NEDD4L: variants seen among roughly 807,000 people sequenced by gnomAD.
The protein encoded by NEDD4L is NEDD4 like E3 ubiquitin protein ligase.
A neutral mutation model predicts 148.9 loss-of-function variants in NEDD4L; 54 were observed. The ratio of observed to expected loss-of-function variants is 0.36; its 90% CI spans 0.29 to 0.45. The LOEUF (loss-of-function observed/expected upper bound fraction) is 0.45, where lower values mean the gene tolerates loss of function less well. Ranked by LOEUF, NEDD4L falls within the 20% of genes least tolerant of loss-of-function variation. The probability of loss-of-function intolerance (pLI) is 1.00; values close to 1 mark genes in which losing one functional copy is unlikely to be tolerated. For synonymous variants in NEDD4L, 433 were observed against 440.7 expected (o/e 0.98, Z 0.22); for missense variants, 856 against 1,233.8 (o/e 0.69, Z 4.59).
intron 22 of NEDD4L, among the ~76,000 whole-genome samples, chr18:58,368,507 G>GA (rs1346218681): frequency 1.3e-5 from 2 of 152,204 alleles, no homozygotes; most frequent in Non-Finnish European, 2.9e-5. Context: ...TCATCAGTGA[G>GA]AAAAAAGCAT....
At chr18:58,339,475 A>G (rs903083725) in intron 13 of NEDD4L, among the ~76,000 whole-genome samples, 2 of 152,134 alleles carry the variant, frequency 1.3e-5, no homozygotes, top group African/African-American at 4.8e-5. Flanking sequence ...GAAAGGATTA[A>G]GTCAGTGTTG....
chr18:58,069,152 A>C (rs1043452810), intron 1 of NEDD4L, among the ~76,000 whole-genome samples: 1 of 151,694 alleles, frequency 6.6e-6, no homozygotes, highest in Admixed American at 6.6e-5. Flanking sequence ...AAAAAAAAAA[A>C]AAAAAAATAG....
At chr18:58,202,347 C>A (rs1207140611) in intron 2 of NEDD4L, among the ~76,000 whole-genome samples, 1 of 152,252 alleles carries the variant, frequency 6.6e-6, no homozygotes, top group African/African-American at 2.4e-5. Context: ...ATTGGCCAGG[C>A]TGTCCTCCAG....
At chr18:58,193,727 T>C (rs1396560213) in intron 2 of NEDD4L, 1 of 152,274 alleles carries the variant, frequency 6.6e-6, no homozygotes. Flanking sequence ...TTTCTTCCGA[T>C]ATCTCCTGCT....
intron 1 of NEDD4L, among the ~76,000 whole-genome samples, chr18:58,119,598 C>G (rs1249642446): frequency 6.6e-6 from 1 of 152,210 alleles, no homozygotes; most frequent in East Asian, 1.9e-4. Flanking sequence ...TGAATGTCAC[C>G]AAGCTAAGCG....
rs190898640 is a variant in NEDD4L at position 58,096,307 on chromosome 18, A to G, written c.48+51599A>G. Reference sequence around the variant, plus strand: ...AGGCATTCTGTGGTCATCTTTATCTAAAACGAATCCTCCTGGCCTTAGTGT... The same window carrying G: ...AGGCATTCTGTGGTCATCTTTATCTGAAACGAATCCTCCTGGCCTTAGTGT... On this transcript the variant is annotated intron_variant, in intron 1 of 30. Transcript: ENST00000400345. Among the ~76,000 whole-genome samples the G allele has an allele frequency of 2.0e-4, 31 of 151,934 alleles. No homozygotes were observed. In the East Asian group the frequency reaches 3.3e-3, roughly 16 times the overall value.
intron 18 of NEDD4L, among the ~76,000 whole-genome samples, chr18:58,355,106 G>A (rs1228395996): frequency 3.3e-5 from 5 of 152,204 alleles, no homozygotes; most frequent in Non-Finnish European, 7.3e-5. Flanking sequence ...GGGGAGGGAT[G>A]GGGTCGAAAT....
At chr18:58,094,115 T>C (rs1034000816) in intron 1 of NEDD4L, among the ~76,000 whole-genome samples, 10 of 152,026 alleles carry the variant, frequency 6.6e-5, no homozygotes, top group Non-Finnish European at 1.2e-4. Flanking sequence ...AAAGTCCTTC[T>C]CATCTGCCAC....
At chr18:58,379,255 T>G (rs1204469024) in intron 24 of NEDD4L, among the ~76,000 whole-genome samples, 1 of 152,184 alleles carries the variant, frequency 6.6e-6, no homozygotes, top group African/African-American at 2.4e-5. Context: ...CTTTGCTGGA[T>G]TTCTGCCTCC....
chr18:58,280,488 G>A (rs2052878217), intron 5 of NEDD4L, among the ~76,000 whole-genome samples: 1 of 152,196 alleles, frequency 6.6e-6, no homozygotes, highest in Non-Finnish European at 1.5e-5. Flanking sequence ...GCGAGGCTGG[G>A]TGCGAAGACC....
rs563041602 is a variant in NEDD4L at position 58,319,579 on chromosome 18, G to A, written c.349-2846G>A. Among the ~76,000 whole-genome samples the A allele has an allele frequency of 2.0e-5, 3 of 152,324 alleles. No individual in the cohort carries two copies. In the East Asian group the frequency reaches 5.8e-4, roughly 29 times the overall value. ...GGCTAATAGCACTGTTTGCAGCAGTGTGTTTAAGATGGCTTTCCACCAGGA... is the reference window on the plus strand; with the variant it reads ...GGCTAATAGCACTGTTTGCAGCAGTATGTTTAAGATGGCTTTCCACCAGGA... On this transcript the variant is annotated intron_variant, in intron 6 of 30. Transcript: ENST00000400345.
intron 16 of NEDD4L, among the ~76,000 whole-genome samples, chr18:58,345,844 C>G (rs1426851684): frequency 6.6e-6 from 1 of 151,864 alleles, no homozygotes; most frequent in African/African-American, 2.4e-5. Context: ...CGGGTTCATG[C>G]GATTCTCTTG....
chr18:58,385,143 G>T (rs1017468245), intron 25 of NEDD4L, among the ~76,000 whole-genome samples: 3 of 152,216 alleles, frequency 2.0e-5, no homozygotes, highest in Admixed American at 6.5e-5. Context: ...GTATACGGGT[G>T]TGTGCATCTT....
At chr18:58,364,612 A>G (rs867725273) in intron 20 of NEDD4L, among the ~76,000 whole-genome samples, 6 of 152,220 alleles carry the variant, frequency 3.9e-5, no homozygotes, top group Admixed American at 1.3e-4. Flanking sequence ...TGGGATATAA[A>G]ATAATTCAGA....
At chr18:58,129,648 C>G (rs982836417) in intron 1 of NEDD4L, among the ~76,000 whole-genome samples, 6 of 152,260 alleles carry the variant, frequency 3.9e-5, no homozygotes, top group Non-Finnish European at 8.8e-5. Context: ...CAGAGAAACT[C>G]AGATAGGGAC....
At chr18:58,284,996 C>G (rs933344056) in intron 5 of NEDD4L, among the ~76,000 whole-genome samples, 1 of 152,222 alleles carries the variant, frequency 6.6e-6, no homozygotes, top group Non-Finnish European at 1.5e-5. Flanking sequence ...TACATACTCT[C>G]TCTCATCTAC....
intron 9 of NEDD4L, 29 bp downstream of exon 9, chr18:58,325,191 G>T (rs369878083): frequency 9.3e-6 from 15 of 1,611,498 alleles, no homozygotes; most frequent in Non-Finnish European, 1.3e-5. Context: ...TCAGGAACAC[G>T]TGCACGTGCA....
intron 1 of NEDD4L, among the ~76,000 whole-genome samples, chr18:58,134,117 C>A (rs2032520860): frequency 6.6e-6 from 1 of 152,182 alleles, no homozygotes; most frequent in African/African-American, 2.4e-5. Context: ...TCTCCTGCCT[C>A]AGCCTCTTGA....
intron 1 of NEDD4L, among the ~76,000 whole-genome samples, chr18:58,079,047 TGTTA>T (rs2083307980): frequency 6.6e-6 from 1 of 152,242 alleles, no homozygotes; most frequent in Admixed American, 6.5e-5. Context: ...AAGGTGTTCT[TGTTA>T]GTTCTGGGTG....
Sources: allele counts gnomAD v4.1 joint callset (sites outside exome capture counted in the v4.1 genomes callset), GRCh38; gene constraint gnomAD v4.1.1; transcripts MANE v1.5; gene names NCBI Gene and HGNC (gene_info 2026-07-23, HGNC 2026-07-21).